Variants in QSOX2 observed in about 807,000 individuals in gnomAD.
QSOX2 encodes sulfhydryl oxidase 2.
In QSOX2, 46 loss-of-function variants were observed where a neutral mutation model predicts 61.7. The observed-to-expected ratio is 0.75, with a 90% confidence interval of 0.59 to 0.95. The LOEUF (loss-of-function observed/expected upper bound fraction) is 0.95. Ranked by LOEUF, QSOX2 falls within the 40% of genes least tolerant of loss-of-function variation. The pLI, the probability that QSOX2 is intolerant of heterozygous loss-of-function variation, is 0.00. For missense variants in QSOX2, 879 were observed against 918.9 expected (o/e 0.96, Z 0.56); for synonymous variants, 383 against 388.4 (o/e 0.99, Z 0.16).
At chr9:136,212,796 C>T (rs888243485) in intron 10 of QSOX2, among the ~76,000 whole-genome samples, 3 of 152,238 alleles carry the variant, frequency 2.0e-5, no homozygotes, top group Non-Finnish European at 4.4e-5. Flanking sequence ...TAGAGGCCTT[C>T]ACAGGCATTT....
chr9:136,227,173 T>C (rs1230331728), intron 1 of QSOX2, among the ~76,000 whole-genome samples: 1 of 152,172 alleles, frequency 6.6e-6, no homozygotes, highest in African/African-American at 2.4e-5. Context: ...GACACCCTGA[T>C]GGATGAAAGC....
chr9:136,231,039 G>A (rs1453193449), intron 1 of QSOX2, among the ~76,000 whole-genome samples: 1 of 152,210 alleles, frequency 6.6e-6, no homozygotes, highest in East Asian at 1.9e-4. Context: ...CCTCCGACCG[G>A]CCTTGTTTCC....
intron 1 of QSOX2, among the ~76,000 whole-genome samples, chr9:136,234,076 C>T (rs1040620337): frequency 6.7e-6 from 1 of 150,216 alleles, no homozygotes; most frequent in Admixed American, 6.6e-5. Flanking sequence ...GCAGCCTGGC[C>T]GGGACAAAGG....
At chr9:136,234,287 T>G (rs1830358251) in intron 1 of QSOX2, among the ~76,000 whole-genome samples, 1 of 152,216 alleles carries the variant, frequency 6.6e-6, no homozygotes, top group Admixed American at 6.5e-5. Context: ...TGGTAAGGCT[T>G]CCAGTCAACG....
At chr9:136,210,309 A>G in intron 11 of QSOX2, 9 of 985,062 alleles carry the variant, frequency 9.1e-6, no homozygotes, top group Non-Finnish European at 1.1e-5. Context: ...TGGGAATCTC[A>G]GGAGTGACAA....
chr9:136,216,292 C>T (rs73560706), intron 9 of QSOX2, among the ~76,000 whole-genome samples: 1,837 of 152,344 alleles, frequency 0.012, 25 homozygotes, highest in African/African-American at 0.042. Context: ...CAGTTTTCGT[C>T]AGATTGGCTT....
chr9:136,240,138 G>A (rs1830422881), intron 1 of QSOX2, among the ~76,000 whole-genome samples: 1 of 152,180 alleles, frequency 6.6e-6, no homozygotes, highest in South Asian at 2.1e-4. Flanking sequence ...ACAGCCAGGG[G>A]GTTCCAAAGG....
At chr9:136,244,885 A>C (rs1337105156) in intron 1 of QSOX2, among the ~76,000 whole-genome samples, 1 of 152,204 alleles carries the variant, frequency 6.6e-6, no homozygotes, top group Non-Finnish European at 1.5e-5. Flanking sequence ...ATTATAGAGA[A>C]GTCTCCAGAG....
chr9:136,210,794 G>A (rs1831834666), intron 11 of QSOX2: 1 of 985,002 alleles, frequency 1.0e-6, no homozygotes, highest in Non-Finnish European at 1.2e-6. Flanking sequence ...ACAGTTTGAA[G>A]TACTTAACTC....
In QSOX2 at chr9:136,223,377, T is replaced by C. The variant is rs1830244320; in HGVS notation, c.675+386A>G. Among the ~76,000 whole-genome samples, 1 of 152,144 alleles carries C rather than the reference T, an allele frequency of 6.6e-6. No individual in the cohort carries two copies. Among genetic ancestry groups the C allele is most frequent in the Non-Finnish European group, 1.5e-5 (1 of 68,038 alleles). ...ACGACGTTTTACAGAATCTTGGATT[T>C]GGCAAAAATGTTGAGAGTTCAGAAT... On this transcript the variant is annotated intron_variant, in intron 5 of 11. Coordinates refer to ENST00000358701, the MANE Select transcript of QSOX2 (RefSeq NM_181701.4). This position sits in a 1 kb window ranked among gnomAD's most constrained non-coding sequence, Gnocchi z 4.4.
intron 1 of QSOX2, among the ~76,000 whole-genome samples, chr9:136,234,247 C>T (rs62579033): frequency 6.6e-6 from 1 of 152,186 alleles, no homozygotes; most frequent in Non-Finnish European, 1.5e-5. Flanking sequence ...GTGTAACACA[C>T]AAAGTTTGTG....
Position 136,226,784 on chromosome 9 carries a change from G to A in QSOX2, c.419C>T (p.Pro140Leu). 1 of 1,613,754 alleles carries A rather than the reference G, an allele frequency of 6.2e-7. No individual in the cohort carries two copies. Among genetic ancestry groups the A allele is most frequent in the Non-Finnish European group, 8.5e-7 (1 of 1,179,608 alleles). Residue 140 changes from proline to leucine, a missense_variant, in exon 2 of 12, where the codon CCC (proline) becomes CTC (leucine). By Grantham distance (98) the Pro-to-Leu change is moderately conservative. Coordinates refer to ENST00000358701, the MANE Select transcript of QSOX2 (RefSeq NM_181701.4). ...CCGCGTGATACTCACCCGGAAGGTG[G>A]GGTAGAAGTGGATGTCGTAGTCATG... ...VCHDYDIHFY[P>L]TFRYFKAFTK...
chr9:136,235,102 T>C (rs1192740331), intron 1 of QSOX2, among the ~76,000 whole-genome samples: 1 of 152,232 alleles, frequency 6.6e-6, no homozygotes, highest in East Asian at 1.9e-4. Flanking sequence ...GCTCTGCTGC[T>C]TACTGGGTTT....
intron 1 of QSOX2, among the ~76,000 whole-genome samples, chr9:136,237,665 G>A (rs1830399466): frequency 7.0e-6 from 1 of 143,730 alleles, no homozygotes; most frequent in South Asian, 2.2e-4. Flanking sequence ...AGCCCGTCCT[G>A]GGCCTGCATC....
intron 1 of QSOX2, among the ~76,000 whole-genome samples, chr9:136,234,881 A>AGCAAGGCTGGTCTCCACAAGGC (rs1830366600): frequency 1.4e-5 from 1 of 71,902 alleles, no homozygotes; most frequent in African/African-American, 4.8e-5. Flanking sequence ...CACCCCAGCG[A>AGCAAGGCTGGTCTCCACAAGGC]CCACAGGCGA....
rs146289120 is a variant in QSOX2 at position 136,231,195 on chromosome 9, G to A, written c.329-4321C>T. On this transcript the variant is annotated intron_variant, in intron 1 of 11. Transcript: ENST00000358701. ...GAGGCCGAGGAAGGCTCCAAAGTCC[G>A]TCAGGTCCGCATAGCACACACCTCG... is the stretch of plus-strand genomic sequence containing the variant. Among the ~76,000 whole-genome samples, 712 of 152,306 alleles carry A rather than the reference G, an allele frequency of 4.7e-3. 4 individuals are homozygous for A. The highest frequency in any genetic ancestry group is 6.8e-3 in the Non-Finnish European group (462 of 68,028).
chr9:136,220,239 G>C (rs1831964671), intron 6 of QSOX2, among the ~76,000 whole-genome samples: 1 of 152,088 alleles, frequency 6.6e-6, no homozygotes, highest in African/African-American at 2.4e-5. Flanking sequence ...TATCAACCTG[G>C]GCTGGTCTCA....
Position 136,207,364 on chromosome 9 carries a change from TACA to T in QSOX2, c.*1361_*1363del, listed in dbSNP as rs1831779627. On this transcript the variant is annotated 3_prime_UTR_variant, in exon 12 of 12. Transcript: ENST00000358701. ...ACCGTCAAAGTCTCTCTCTCTCTCA[TACA>T]CACACACACACACACACACACACAC... is the stretch of plus-strand genomic sequence containing the variant. 3 of 145,032 alleles carry T rather than the reference TACA, an allele frequency of 2.1e-5. No individual in the cohort carries two copies. Among genetic ancestry groups the T allele is most frequent in the Non-Finnish European group, 4.5e-5 (3 of 66,364 alleles). 9.0% of individuals were successfully genotyped at this position (145,032 alleles called of 1,614,324 possible). A position where few individuals can be genotyped will look rare whatever the true frequency, so the allele number is the denominator to read the frequency against.
At chr9:136,214,925 C>T (rs1012239286) in intron 10 of QSOX2, among the ~76,000 whole-genome samples, 12 of 152,214 alleles carry the variant, frequency 7.9e-5, no homozygotes, top group East Asian at 3.8e-4. Flanking sequence ...ATTTCCTGCA[C>T]GTTAGCCATG....
Sources: gnomAD v4.1 joint callset for allele counts (sites outside exome capture counted in the v4.1 genomes callset) on GRCh38, gnomAD v4.1.1 for gene constraint, Gnocchi (gnomAD v3.1) non-coding constraint, MANE v1.5 for transcripts, NCBI Gene and HGNC (gene_info 2026-07-23, HGNC 2026-07-21) for gene names.